Variants in PLD5 observed in about 807,000 individuals in gnomAD.
The protein encoded by PLD5 is inactive phospholipase D5.
PLD5 carries 36 observed loss-of-function variants against 61.1 expected under a neutral mutation model. That is an observed-to-expected ratio of 0.59 (90% CI 0.45 to 0.78). PLD5 has a LOEUF of 0.78. PLD5 is among the 30% of genes least tolerant of loss of function. The pLI, the probability that PLD5 is intolerant of heterozygous loss-of-function variation, is 0.00. For synonymous variants in PLD5, 243 were observed against 242.8 expected (o/e 1.00, Z -0.01); for missense variants, 515 against 644.4 (o/e 0.80, Z 2.17).
At chr1:242,325,144 T>C (rs1658667342) in intron 2 of PLD5, among the ~76,000 whole-genome samples, 1 of 152,076 alleles carries the variant, frequency 6.6e-6, no homozygotes. Flanking sequence ...GTGAAATGTG[T>C]ACTGAGCATA....
At chr1:242,491,676 T>C (rs527310915) in intron 1 of PLD5, among the ~76,000 whole-genome samples, 1 of 152,386 alleles carries the variant, frequency 6.6e-6, no homozygotes, top group Admixed American at 6.5e-5. Context: ...TTGTCAGTTT[T>C]ATGTTGCCTC....
intron 6 of PLD5, 131 bp from the exon 7 acceptor site, chr1:242,114,157 T>C: frequency 1.1e-6 from 1 of 945,400 alleles, no homozygotes; most frequent in Non-Finnish European, 1.5e-6. Context: ...CTTCATCAAA[T>C]TAGACAAAGA....
intron 3 of PLD5, 144 bp from the exon 4 acceptor site, chr1:242,265,592 T>C (rs763957959): frequency 3.1e-5 from 23 of 739,174 alleles, no homozygotes; most frequent in Non-Finnish European, 4.9e-5. Flanking sequence ...TTCAGATTTA[T>C]GAAATTCTTT....
chr1:242,097,509 A>G (rs1454605675), intron 9 of PLD5, among the ~76,000 whole-genome samples: 1 of 152,194 alleles, frequency 6.6e-6, no homozygotes, highest in Non-Finnish European at 1.5e-5. Context: ...AGTGAGGATG[A>G]GCATTTTTTC....
intron 3 of PLD5, among the ~76,000 whole-genome samples, chr1:242,285,523 A>C (rs2149133514): frequency 6.6e-6 from 1 of 151,974 alleles, no homozygotes; most frequent in South Asian, 2.1e-4. Context: ...TAAATAAATA[A>C]AGCCATGTGG....
chr1:242,183,165 C>G (rs1223122865), intron 5 of PLD5, among the ~76,000 whole-genome samples: 1 of 152,200 alleles, frequency 6.6e-6, no homozygotes, highest in Non-Finnish European at 1.5e-5. Context: ...TGAGTTCAGA[C>G]CCACCAGTTC....
At chr1:242,334,510 C>T (rs1330893379) in intron 2 of PLD5, among the ~76,000 whole-genome samples, 1 of 152,152 alleles carries the variant, frequency 6.6e-6, no homozygotes, top group Non-Finnish European at 1.5e-5. Context: ...AGGCATGCAG[C>T]GTGTTGGACA....
chr1:242,114,730 G>A (rs546958375), intron 6 of PLD5, among the ~76,000 whole-genome samples: 6 of 152,176 alleles, frequency 3.9e-5, no homozygotes, highest in Admixed American at 6.5e-5. Flanking sequence ...ATCGCCTTAT[G>A]AGATTGTAAT....
chr1:242,317,147 C>G (rs1658064508), intron 2 of PLD5, among the ~76,000 whole-genome samples: 1 of 151,810 alleles, frequency 6.6e-6, no homozygotes, highest in Non-Finnish European at 1.5e-5. Flanking sequence ...AGCTGTAATC[C>G]CAATTACAGG....
At chr1:242,124,426 G>A in intron 6 of PLD5, 42 bp downstream of exon 6, 1 of 1,566,762 alleles carries the variant, frequency 6.4e-7, no homozygotes. Flanking sequence ...AGAGCCTTTG[G>A]AGGAAGAAGG....
At position 242,113,801 on chromosome 1, in the gene PLD5, C is replaced by T. The variant is rs539713799; in HGVS notation, c.1070+89G>A. Reference sequence around the variant, plus strand: ...TTCCTAAGGCAACCTGATGGCATCTCCATTTCCAGGCTGGCTTCTCCTGTG... The same window carrying T: ...TTCCTAAGGCAACCTGATGGCATCTTCATTTCCAGGCTGGCTTCTCCTGTG... On this transcript the variant is annotated intron_variant, in intron 7 of 9. Transcript: ENST00000536534. 28 of 1,452,408 alleles carry T rather than the reference C, an allele frequency of 1.9e-5. No homozygotes were observed. In the African/African-American group the frequency reaches 3.3e-4, roughly 17 times the overall value. 90.0% of individuals were successfully genotyped at this position (1,452,408 alleles called of 1,614,324 possible). A position where few individuals can be genotyped will look rare whatever the true frequency, so the allele number is the denominator to read the frequency against.
At chr1:242,347,753 GAAC>G (rs1198845202) in intron 2 of PLD5, among the ~76,000 whole-genome samples, 1 of 152,092 alleles carries the variant, frequency 6.6e-6, no homozygotes, top group Non-Finnish European at 1.5e-5. Context: ...ACATTTGATG[GAAC>G]AACTAGCACA....
intron 5 of PLD5, among the ~76,000 whole-genome samples, chr1:242,157,878 A>G (rs1665512101): frequency 6.6e-6 from 1 of 152,214 alleles, no homozygotes; most frequent in South Asian, 2.1e-4. Context: ...CAGAGCTGTC[A>G]GGCAGGGATG....
chr1:242,429,410 T>A (rs1334672928), intron 1 of PLD5, among the ~76,000 whole-genome samples: 1 of 152,204 alleles, frequency 6.6e-6, no homozygotes, highest in African/African-American at 2.4e-5. Context: ...AAATTTTTTT[T>A]AATTTTTAAT....
intron 1 of PLD5, among the ~76,000 whole-genome samples, chr1:242,453,738 C>T (rs1308071652): frequency 1.3e-5 from 2 of 152,174 alleles, no homozygotes; most frequent in African/African-American, 2.4e-5. Context: ...ACATAGGCTC[C>T]TACTTATCCC....
At chr1:242,371,224 CTT>C (rs1558504248) in intron 1 of PLD5, among the ~76,000 whole-genome samples, 1 of 152,090 alleles carries the variant, frequency 6.6e-6, no homozygotes, top group Non-Finnish European at 1.5e-5. Context: ...CACGCACACA[CTT>C]TTATAAGAGT....
intron 5 of PLD5, among the ~76,000 whole-genome samples, chr1:242,160,391 G>C (rs1224925992): frequency 6.6e-6 from 1 of 152,088 alleles, no homozygotes; most frequent in African/African-American, 2.4e-5. Flanking sequence ...AAGACCTAGA[G>C]AGATCACACC....
intron 1 of PLD5, among the ~76,000 whole-genome samples, chr1:242,381,396 T>C (rs1430547382): frequency 6.6e-6 from 1 of 151,852 alleles, no homozygotes; most frequent in East Asian, 1.9e-4. Flanking sequence ...CTATAGGTGG[T>C]TGGGGGTGAG....
intron 5 of PLD5, among the ~76,000 whole-genome samples, chr1:242,128,767 T>C (rs567893752): frequency 6.6e-6 from 1 of 152,156 alleles, no homozygotes; most frequent in South Asian, 2.1e-4. Context: ...ATGTAGCAAG[T>C]CACCTATGGA....
Sources: gnomAD v4.1 joint callset for allele counts (sites outside exome capture counted in the v4.1 genomes callset) on GRCh38, gnomAD v4.1.1 for gene constraint, MANE v1.5 for transcripts, NCBI Gene and HGNC (gene_info 2026-07-23, HGNC 2026-07-21) for gene names.